The following KLF8 variants were observed in gnomAD, a reference collection of about 807,000 sequenced individuals.
KLF8 encodes the protein KLF transcription factor 8.
Under a neutral mutation model 18.2 loss-of-function variants are expected in KLF8, and 10 were observed. The ratio of observed to expected loss-of-function variants is 0.55; its 90% CI spans 0.34 to 0.93. The LOEUF (loss-of-function observed/expected upper bound fraction) is 0.93, where lower values mean the gene tolerates loss of function less well. Among genes scored for constraint, KLF8 ranks in the 40% least tolerant of loss-of-function variants. The pLI is 0.02. For synonymous variants in KLF8, 109 were observed against 97.3 expected, an observed-to-expected ratio of 1.12 and a Z score of -0.71; for missense variants, 264 against 277.9, an observed-to-expected ratio of 0.95 and a Z score of 0.36.
intron 5 of KLF8, among the ~76,000 whole-genome samples, chrX:56,282,635 A>T (rs2067216852): frequency 8.9e-6 from 1 of 112,053 alleles, no homozygotes; most frequent in African/African-American, 3.2e-5. Flanking sequence ...AGAACAGCAT[A>T]AAATTAAATG....
At chrX:56,065,731 G>T in the KLF8 span, among the ~76,000 whole-genome samples, 1 of 111,616 alleles carries the variant, frequency 9.0e-6, no homozygotes, top group South Asian at 3.7e-4. Context: ...GATTTATGTT[G>T]TTGGTTGGGT....
chrX:56,188,501 A>ACTTTCTT, the KLF8 span, among the ~76,000 whole-genome samples: 1 of 112,026 alleles, frequency 8.9e-6, no homozygotes, highest in Admixed American at 9.5e-5. Context: ...GACTTTCTTC[A>ACTTTCTT]CAGAATTGGA....
the KLF8 span, among the ~76,000 whole-genome samples, chrX:56,072,040 C>T: frequency 2.7e-5 from 3 of 111,445 alleles, no homozygotes; most frequent in Non-Finnish European, 5.7e-5. Context: ...CTTTTTGTGC[C>T]TTGGAAGTTT....
chrX:55,924,936 A>G, the KLF8 span, among the ~76,000 whole-genome samples: 1 of 94,332 alleles, frequency 1.1e-5, no homozygotes, highest in African/African-American at 4.0e-5. Context: ...GCTCATTGCA[A>G]CCTCCGCCTC....
At chrX:56,194,183 G>A in the KLF8 span, among the ~76,000 whole-genome samples, 1 of 111,112 alleles carries the variant, frequency 9.0e-6, no homozygotes, top group East Asian at 2.8e-4. Context: ...ATTTCCAACT[G>A]AGGTACCTGG....
the KLF8 span, among the ~76,000 whole-genome samples, chrX:55,994,169 C>A: frequency 9.1e-6 from 1 of 110,262 alleles, no homozygotes; most frequent in African/African-American, 3.3e-5. Context: ...CTCAGCCTCC[C>A]AAAGTGCTGG....
the KLF8 span, among the ~76,000 whole-genome samples, chrX:56,207,749 C>T: frequency 9.1e-6 from 1 of 110,429 alleles, no homozygotes; most frequent in Non-Finnish European, 1.9e-5. Flanking sequence ...GCCACCTCTG[C>T]TTGTTACCCA....
the KLF8 span, among the ~76,000 whole-genome samples, chrX:56,079,362 A>G: frequency 9.0e-6 from 1 of 111,092 alleles, no homozygotes; most frequent in African/African-American, 3.3e-5. Flanking sequence ...CGTTGGTTTC[A>G]AAGAACATCT....
chrX:55,937,095 C>A, the KLF8 span, among the ~76,000 whole-genome samples: 1 of 111,492 alleles, frequency 9.0e-6, no homozygotes, highest in Admixed American at 9.5e-5. Flanking sequence ...GTCCCTGACC[C>A]CTGAGTAGCC....
the KLF8 span, among the ~76,000 whole-genome samples, chrX:56,194,033 T>A: frequency 3.6e-4 from 40 of 111,979 alleles, 1 homozygote; most frequent in Non-Finnish European, 6.8e-4. Flanking sequence ...TTTACCCTGA[T>A]GTGATTACTG....
chrX:56,015,085 C>G, the KLF8 span: 1 of 110,319 alleles, frequency 9.1e-6, no homozygotes, highest in Non-Finnish European at 1.9e-5. Flanking sequence ...TGCAGCAAAC[C>G]ACCATGGCAC....
At chrX:56,271,806 C>T (rs900000747) in intron 5 of KLF8, among the ~76,000 whole-genome samples, 2 of 110,949 alleles carry the variant, frequency 1.8e-5, no homozygotes, top group Admixed American at 9.6e-5. Flanking sequence ...GTTCCTCAAC[C>T]GTAAGATGAG....
chrX:56,075,415 A>G, the KLF8 span, among the ~76,000 whole-genome samples: 1 of 110,972 alleles, frequency 9.0e-6, no homozygotes, highest in Non-Finnish European at 1.9e-5. Flanking sequence ...ATGTATTTAT[A>G]TGGCACATGA....
the KLF8 span, among the ~76,000 whole-genome samples, chrX:55,980,308 T>G: frequency 1.8e-5 from 2 of 112,196 alleles, no homozygotes; most frequent in Non-Finnish European, 3.8e-5. Context: ...AAGTGTTACC[T>G]CATTTAATAC....
the KLF8 span, among the ~76,000 whole-genome samples, chrX:56,077,333 G>A: frequency 8.9e-6 from 1 of 111,946 alleles, no homozygotes; most frequent in East Asian, 2.8e-4. Context: ...GTGTAAGGAA[G>A]GGATCCAGTT....
At chrX:55,994,881 A>G in the KLF8 span, among the ~76,000 whole-genome samples, 173 of 112,115 alleles carry the variant, frequency 1.5e-3, no homozygotes, top group Non-Finnish European at 2.2e-3. Flanking sequence ...GGTGAAAATA[A>G]TGTATATTCT....
At chrX:56,263,439 C>T (rs1039799563) in intron 2 of KLF8, among the ~76,000 whole-genome samples, 12 of 111,461 alleles carry the variant, frequency 1.1e-4, no homozygotes, top group African/African-American at 3.3e-5. Flanking sequence ...AGACAAAGCA[C>T]GGATGGGTTT....
the KLF8 span, among the ~76,000 whole-genome samples, chrX:55,992,168 T>C: frequency 8.9e-6 from 1 of 112,428 alleles, no homozygotes; most frequent in Non-Finnish European, 1.9e-5. Context: ...TCATGAAATA[T>C]TTGTCATGGC....
At chrX:56,277,436 G>T (rs1391191827) in intron 5 of KLF8, among the ~76,000 whole-genome samples, 2 of 111,676 alleles carry the variant, frequency 1.8e-5, no homozygotes, top group South Asian at 7.6e-4. Flanking sequence ...TCTTGAATAA[G>T]ATCCAGAAGA....
Sources: gnomAD v4.1 joint callset for allele counts (sites outside exome capture counted in the v4.1 genomes callset) on GRCh38, gnomAD v4.1.1 for gene constraint, MANE v1.5 for transcripts, NCBI Gene and HGNC (gene_info 2026-07-23, HGNC 2026-07-21) for gene names.